EMC2: variants seen among roughly 807,000 people sequenced by gnomAD.
EMC2 encodes the protein ER membrane protein complex subunit 2.
A neutral mutation model predicts 51.6 loss-of-function variants in EMC2; 37 were observed. The observed-to-expected ratio is 0.72, with a 90% CI of 0.55 to 0.94. EMC2 has a LOEUF of 0.94. Ranked by LOEUF, EMC2 falls within the 40% of genes least tolerant of loss-of-function variation. The probability of loss-of-function intolerance (pLI) is 0.00; values close to 1 mark genes in which losing one functional copy is unlikely to be tolerated. For synonymous variants in EMC2, 131 were observed against 112.4 expected (o/e 1.17, Z -1.04); for missense variants, 359 against 350.9 (o/e 1.02, Z -0.18).
intron 1 of EMC2, among the ~76,000 whole-genome samples, chr8:108,444,451 G>A (rs1212286989): frequency 1.3e-5 from 2 of 152,110 alleles, no homozygotes; most frequent in Admixed American, 6.5e-5. Flanking sequence ...GATCAATTCT[G>A]TGTGCTTAAG....
Position 108,461,372 on chromosome 8 carries a change from G to A in EMC2, c.363+5442G>A, listed in dbSNP as rs1819315208. On this transcript the variant is annotated intron_variant, in intron 5 of 10. Transcript: ENST00000220853. ...TGGTAGTGAGAACAAACACAAGGAT[G>A]AATTAGCCTTTTCTGTGCTTCTAGT... Among the ~76,000 whole-genome samples the A allele has an allele frequency of 2.0e-5, 3 of 152,328 alleles. No individual in the cohort carries two copies. The South Asian group carries it at 6.2e-4, about 32-fold the overall frequency.
In EMC2 at chr8:108,487,864, A is replaced by G. The variant is rs892243847; in HGVS notation, c.*1266A>G. On this transcript the variant is annotated 3_prime_UTR_variant, in exon 11 of 11. Coordinates refer to ENST00000220853, the MANE Select transcript of EMC2 (RefSeq NM_014673.5). ...TTTTCGTTTTATTCTGCCACGAGTA[A>G]TAGGCAGCTGATTAATATATTCTGT... Among the ~76,000 whole-genome samples, 1 of 152,164 alleles carries G rather than the reference A, an allele frequency of 6.6e-6. No homozygotes were observed. Among genetic ancestry groups the G allele is most frequent in the African/African-American group, 2.4e-5 (1 of 41,426 alleles).
At position 108,476,853 on chromosome 8, in the gene EMC2, G is replaced by T; in HGVS notation, c.663G>T (p.Leu221=). 6.2e-7 allele frequency: 1 copy of T among 1,601,320 alleles called. No individual in the cohort carries two copies. Among genetic ancestry groups the T allele is most frequent in the South Asian group, 1.1e-5 (1 of 90,728 alleles). The change falls in exon 9 of 11, where the codon CTG becomes CTT. Residue 221 remains leucine, a synonymous_variant. Coordinates refer to ENST00000220853, the MANE Select transcript of EMC2 (RefSeq NM_014673.5). ...SRKYFAQALK[L]NNRNMRALFG... Reference sequence around the variant, plus strand: ...AGTATTTTGCACAGGCATTGAAACTGAACAACAGAAATATGAGAGCTTTGT... The same window carrying T: ...AGTATTTTGCACAGGCATTGAAACTTAACAACAGAAATATGAGAGCTTTGT...
At chr8:108,479,280 T>C (rs990320537) in intron 10 of EMC2, among the ~76,000 whole-genome samples, 170 bp downstream of exon 10, 6 of 152,172 alleles carry the variant, frequency 3.9e-5, no homozygotes, top group Admixed American at 6.6e-5. Context: ...TACCTTTTTT[T>C]CCCCTCAAGA....
chr8:108,448,092 G>A (rs1818923922), intron 1 of EMC2, among the ~76,000 whole-genome samples: 1 of 152,080 alleles, frequency 6.6e-6, no homozygotes, highest in South Asian at 2.1e-4. Context: ...ACTGGTAAGT[G>A]TATACCCTTA....
At chr8:108,457,321 CGTGTGT>C (rs765030855) in intron 5 of EMC2, among the ~76,000 whole-genome samples, 94 of 109,996 alleles carry the variant, frequency 8.5e-4, no homozygotes, top group African/African-American at 3.5e-3. Context: ...TAGGGATGTG[CGTGTGT>C]GTGCGTGTGT....
Position 108,478,986 on chromosome 8 carries a change from A to G in EMC2, c.703-20A>G. ...TAGCAAAAAAGGAATTTTGCTTTTGATGTTTTTATTTGTTTTTAGTCGGCA... is the reference window on the plus strand; with the variant it reads ...TAGCAAAAAAGGAATTTTGCTTTTGGTGTTTTTATTTGTTTTTAGTCGGCA... On this transcript the variant is annotated intron_variant, in intron 9 of 10. Transcript: ENST00000220853. 1 of 1,475,322 alleles carries G rather than the reference A, an allele frequency of 6.8e-7. No individual in the cohort carries two copies. Among genetic ancestry groups the G allele is most frequent in the South Asian group, 1.4e-5 (1 of 73,044 alleles). The allele number at this position is 1,475,322 out of a possible 1,614,324, so 91.4% of individuals were successfully genotyped here.
intron 4 of EMC2, 24 bp downstream of exon 4, chr8:108,453,171 A>T (rs371518116): frequency 2.8e-6 from 4 of 1,418,428 alleles, no homozygotes; most frequent in Non-Finnish European, 2.9e-6. Context: ...ATCAGCTGGC[A>T]GGCATGGAGC....
At chr8:108,457,541 A>G (rs1819200321) in intron 5 of EMC2, among the ~76,000 whole-genome samples, 1 of 152,166 alleles carries the variant, frequency 6.6e-6, no homozygotes, top group South Asian at 2.1e-4. Context: ...AGGAGGAACA[A>G]GTTAAATCTA....
At chr8:108,447,768 G>A (rs1410875849) in intron 1 of EMC2, among the ~76,000 whole-genome samples, 1 of 152,228 alleles carries the variant, frequency 6.6e-6, no homozygotes, top group African/African-American at 2.4e-5. Context: ...GCAGTGAGAA[G>A]CTTACTTACA....
intron 5 of EMC2, among the ~76,000 whole-genome samples, chr8:108,460,741 A>C (rs988473376): frequency 2.0e-5 from 3 of 152,216 alleles, no homozygotes; most frequent in Admixed American, 2.0e-4. Context: ...TTCTAGTTTC[A>C]AGCATTTTGT....
intron 5 of EMC2, among the ~76,000 whole-genome samples, chr8:108,462,417 GA>G (rs1819352443): frequency 1.3e-5 from 2 of 152,104 alleles, no homozygotes; most frequent in African/African-American, 4.8e-5. Context: ...TGAACTTGGT[GA>G]ACCTTTAGGA....
At chr8:108,470,263 A>G in intron 7 of EMC2, 142 bp downstream of exon 7, 1 of 610,446 alleles carries the variant, frequency 1.6e-6, no homozygotes, top group Non-Finnish European at 2.9e-6. Context: ...CAACAATTAA[A>G]TGAAAAAGAA....
chr8:108,458,326 TA>T (rs1819217993), intron 5 of EMC2, among the ~76,000 whole-genome samples: 1 of 152,162 alleles, frequency 6.6e-6, no homozygotes, highest in South Asian at 2.1e-4. Flanking sequence ...ACAGCTCCAT[TA>T]GGCAGTGCCC....
intron 6 of EMC2, 34 bp downstream of exon 6, chr8:108,469,945 T>G (rs760936568): frequency 1.9e-6 from 3 of 1,567,720 alleles, no homozygotes; most frequent in Non-Finnish European, 2.6e-6. Flanking sequence ...TGTTTTGTTA[T>G]TCTGATAAAT....
Position 108,488,052 on chromosome 8 carries a change from C to T in EMC2, c.*1454C>T, listed in dbSNP as rs1275783253. Among the ~76,000 whole-genome samples, 2 of 152,172 alleles carry T rather than the reference C, an allele frequency of 1.3e-5. No homozygotes were observed. The highest frequency in any genetic ancestry group is 2.9e-5 in the Non-Finnish European group (2 of 68,036). Reference sequence around the variant, plus strand: ...ATAGTGCCTGCACGTTGTTTCACTACCTTTTCCCCTTCAAACCTCCTCCCC... The same window carrying T: ...ATAGTGCCTGCACGTTGTTTCACTATCTTTTCCCCTTCAAACCTCCTCCCC... On this transcript the variant is annotated 3_prime_UTR_variant, in exon 11 of 11. Transcript: ENST00000220853.
At chr8:108,448,313 A>G (rs1239223899) in intron 1 of EMC2, among the ~76,000 whole-genome samples, 1 of 152,188 alleles carries the variant, frequency 6.6e-6, no homozygotes, top group African/African-American at 2.4e-5. Flanking sequence ...AACCAAGTGT[A>G]TCAAGTCCAT....
At chr8:108,451,280 A>T (rs994964022) in intron 3 of EMC2, among the ~76,000 whole-genome samples, 3 of 151,982 alleles carry the variant, frequency 2.0e-5, no homozygotes, top group African/African-American at 7.2e-5. Context: ...ATGTTTTTGG[A>T]CTCATGCTAG....
intron 5 of EMC2, among the ~76,000 whole-genome samples, chr8:108,458,481 CAG>C (rs1405529383): frequency 6.6e-6 from 1 of 152,208 alleles, no homozygotes; most frequent in Admixed American, 6.5e-5. Flanking sequence ...GAAATCTAGA[CAG>C]GGGTTCCTAA....
Sources: gnomAD v4.1 joint callset for allele counts (sites outside exome capture counted in the v4.1 genomes callset) on GRCh38, gnomAD v4.1.1 for gene constraint, MANE v1.5 for transcripts, NCBI Gene and HGNC (gene_info 2026-07-23, HGNC 2026-07-21) for gene names.